MYH16: variants seen among roughly 807,000 people sequenced by gnomAD.
MYH16 encodes putative uncharacterized protein MYH16.
intron 2 of MYH16, among the ~76,000 whole-genome samples, chr7:99,244,262 G>C (rs969959089): frequency 6.6e-6 from 1 of 152,194 alleles, no homozygotes; most frequent in African/African-American, 2.4e-5. Flanking sequence ...GTGACTTGTA[G>C]CCTGAGGCAC....
chr7:99,258,897 A>G (rs546072575), intron 11 of MYH16, among the ~76,000 whole-genome samples: 2 of 152,318 alleles, frequency 1.3e-5, no homozygotes, highest in South Asian at 4.1e-4. Context: ...TTTATAAAGA[A>G]AAGAGGCTTA....
chr7:99,307,725 C>G (rs1452822372), downstream of MYH16, among the ~76,000 whole-genome samples: 1 of 152,000 alleles, frequency 6.6e-6, no homozygotes, highest in African/African-American at 2.4e-5. Context: ...AAAAAAAAGT[C>G]AAAATACTAG....
chr7:99,251,238 C>T (rs1024653391), intron 6 of MYH16: 19 of 179,122 alleles, frequency 1.1e-4, no homozygotes, highest in African/African-American at 4.0e-4. Context: ...ACAGGGGTCA[C>T]GACCCCGCCC....
At chr7:99,256,740 A>G in intron 9 of MYH16, among the ~76,000 whole-genome samples, 1 of 152,224 alleles carries the variant, frequency 6.6e-6, no homozygotes. Context: ...GTGCCACTGC[A>G]TTCCAGACTG....
chr7:99,255,580 A>G (rs915166779), intron 8 of MYH16: 1 of 152,792 alleles, frequency 6.5e-6, no homozygotes, highest in African/African-American at 2.4e-5. Context: ...TATTCTTGGC[A>G]GAGAGTTTGC....
chr7:99,304,926 C>T (rs1283637795), intron 40 of MYH16, among the ~76,000 whole-genome samples, 170 bp downstream of exon 21: 5 of 152,106 alleles, frequency 3.3e-5, no homozygotes, highest in African/African-American at 4.8e-5. Flanking sequence ...TGGCTCACGC[C>T]CGTAATCCTA....
At chr7:99,274,904 C>T (rs987230092) in intron 20 of MYH16, among the ~76,000 whole-genome samples, 1 of 151,984 alleles carries the variant, frequency 6.6e-6, no homozygotes, top group African/African-American at 2.4e-5. Context: ...AAACTCCTGA[C>T]CTCAGGTGAT....
At chr7:99,279,764 G>C in intron 22 of MYH16, 27 bp downstream of exon 4, 1 of 449,500 alleles carries the variant, frequency 2.2e-6, no homozygotes, top group Non-Finnish European at 4.5e-6. Flanking sequence ...GCCCTGCCAC[G>C]CTTTTCTCAG....
At chr7:99,297,985 G>C (rs1309366741) in exon 36 of MYH16, 1 of 456,736 alleles carries the variant, frequency 2.2e-6, no homozygotes, top group East Asian at 6.9e-5. Context: ...AGAAGAATTT[G>C]AGGCTACCAG....
intron 19 of MYH16, among the ~76,000 whole-genome samples, chr7:99,272,032 A>C (rs552536707): frequency 1.2e-3 from 187 of 152,248 alleles, no homozygotes; most frequent in African/African-American, 3.6e-3. Flanking sequence ...CCAGTCATTG[A>C]ATTAGGGTCC....
chr7:99,244,669 G>A (rs2150805010), intron 2 of MYH16, among the ~76,000 whole-genome samples: 1 of 152,328 alleles, frequency 6.6e-6, no homozygotes, highest in African/African-American at 2.4e-5. Context: ...AGCCCCAGGT[G>A]TTGCTGGAAG....
chr7:99,290,511 A>T (rs1423231272), intron 30 of MYH16, among the ~76,000 whole-genome samples: 5 of 143,408 alleles, frequency 3.5e-5, no homozygotes, highest in Non-Finnish European at 6.0e-5. Flanking sequence ...AAAAAAAATC[A>T]ATATCCAGCC....
At chr7:99,261,907 T>A (rs1195825607) in intron 13 of MYH16, 2 of 152,226 alleles carry the variant, frequency 1.3e-5, no homozygotes, top group African/African-American at 4.8e-5. Flanking sequence ...GGCCCTTGGT[T>A]TGACAGCTGA....
downstream of MYH16, chr7:99,306,858 G>C (rs900990016): frequency 1.3e-5 from 2 of 152,476 alleles, no homozygotes; most frequent in Non-Finnish European, 2.9e-5. Context: ...CTCCGCTCTG[G>C]ACGGTCTCGC....
chr7:99,284,003 A>C, exon 25 of MYH16: 1 of 451,950 alleles, frequency 2.2e-6, no homozygotes, highest in Non-Finnish European at 4.4e-6. Flanking sequence ...CTGGATCTCG[A>C]GGAGGTGGTG....
At chr7:99,308,937 G>T (rs1054559900), downstream of MYH16, among the ~76,000 whole-genome samples, 2 of 152,136 alleles carry the variant, frequency 1.3e-5, no homozygotes, top group African/African-American at 2.4e-5. Context: ...ACAAAAAAAT[G>T]TAAAAAATGA....
rs117032296 is a variant in MYH16, at chr7:99,298,083, G to A, written n.4740+88G>A. On this transcript the variant is annotated intron_variant and non_coding_transcript_variant, in intron 36 of 41. Transcript: ENST00000439784. ...CCCCAGTCTCTTCCACCTACTAGTC[G>A]CGTGACGTTGGGCAATTCAGGTGAA... 8.7e-4 allele frequency: 368 copies of A among 425,308 alleles called. 8 individuals carry two copies. The East Asian group carries it at 0.016, about 19-fold the overall frequency. The allele number at this position is 425,308 out of a possible 1,614,324, so 26.3% of individuals were successfully genotyped here. A position where few individuals can be genotyped will look rare whatever the true frequency, so the allele number is the denominator to read the frequency against.
exon 29 of MYH16, chr7:99,288,016 A>T (rs1473543340): frequency 6.6e-6 from 3 of 456,598 alleles, no homozygotes; most frequent in Non-Finnish European, 1.3e-5. Context: ...TCCATGGCCG[A>T]GCTGACGGAG....
chr7:99,250,496 T>C (rs1791797200), intron 5 of MYH16, among the ~76,000 whole-genome samples: 1 of 152,102 alleles, frequency 6.6e-6, no homozygotes, highest in South Asian at 2.1e-4. Flanking sequence ...ATCCCAGTAC[T>C]CTGGGAGGCT....
Sources: allele counts gnomAD v4.1 joint callset (sites outside exome capture counted in the v4.1 genomes callset), GRCh38; gene constraint gnomAD v4.1.1; transcripts MANE v1.5; gene names NCBI Gene and HGNC (gene_info 2026-07-23, HGNC 2026-07-21).